The following ABHD2 variants were observed in gnomAD, a reference collection of about 807,000 sequenced individuals.
The protein encoded by ABHD2 is monoacylglycerol lipase ABHD2.
ABHD2 carries 20 observed loss-of-function variants against 48.1 expected under a neutral mutation model. The observed-to-expected ratio is 0.42, with a 90% CI of 0.29 to 0.60. The LOEUF (loss-of-function observed/expected upper bound fraction) is 0.60. Ranked by LOEUF, ABHD2 falls within the 20% of genes least tolerant of loss-of-function variation. The probability of loss-of-function intolerance (pLI) is 0.24; values close to 1 mark genes in which losing one functional copy is unlikely to be tolerated. For missense variants in ABHD2, 405 were observed against 550.9 expected (o/e 0.74, Z 2.65); for synonymous variants, 209 against 214.2 (o/e 0.98, Z 0.21).
At chr15:89,127,092 C>G (rs1263727012) in intron 3 of ABHD2, among the ~76,000 whole-genome samples, 1 of 152,132 alleles carries the variant, frequency 6.6e-6, no homozygotes, top group African/African-American at 2.4e-5. Context: ...TGCCCTCTAC[C>G]AAGTACCAAG....
intron 1 of ABHD2, among the ~76,000 whole-genome samples, chr15:89,110,771 C>T (rs1370740895): frequency 6.6e-6 from 1 of 152,132 alleles, no homozygotes; most frequent in African/African-American, 2.4e-5. Context: ...CATAGAATTG[C>T]CTTCCCTGAA....
intron 3 of ABHD2, among the ~76,000 whole-genome samples, chr15:89,139,371 A>G (rs1371973444): frequency 6.6e-6 from 1 of 152,064 alleles, no homozygotes; most frequent in East Asian, 1.9e-4. Context: ...TCCCCATAGT[A>G]TCATCCTATT....
intron 4 of ABHD2, among the ~76,000 whole-genome samples, chr15:89,153,025 G>T (rs945432365): frequency 3.3e-5 from 5 of 152,146 alleles, no homozygotes; most frequent in Non-Finnish European, 7.4e-5. Context: ...GGCTAGAACT[G>T]CTGAGTAGCT....
chr15:89,130,291 G>A (rs748202012), intron 3 of ABHD2, among the ~76,000 whole-genome samples: 4 of 152,122 alleles, frequency 2.6e-5, no homozygotes, highest in African/African-American at 4.8e-5. Flanking sequence ...TCTGCTGATT[G>A]TCATCCCACC....
intron 3 of ABHD2, among the ~76,000 whole-genome samples, chr15:89,145,946 T>C (rs2050484470): frequency 6.6e-6 from 1 of 152,196 alleles, no homozygotes; most frequent in Non-Finnish European, 1.5e-5. Flanking sequence ...TAGTCAGAGT[T>C]GGGTTTTGTT....
At chr15:89,165,893 T>C (rs1422725810) in intron 5 of ABHD2, among the ~76,000 whole-genome samples, 1 of 152,256 alleles carries the variant, frequency 6.6e-6, no homozygotes, top group African/African-American at 2.4e-5. Context: ...CTGCTTCTTC[T>C]GTCTCTCTTT....
chr15:89,054,417 A>T, the ABHD2 span, among the ~76,000 whole-genome samples: 4 of 152,156 alleles, frequency 2.6e-5, no homozygotes, highest in African/African-American at 9.7e-5. Flanking sequence ...GCAGTGGCTC[A>T]CGCCTGTAAT....
intron 5 of ABHD2, among the ~76,000 whole-genome samples, chr15:89,172,800 C>A (rs1051869558): frequency 6.6e-6 from 1 of 152,144 alleles, no homozygotes; most frequent in Non-Finnish European, 1.5e-5. Flanking sequence ...CCCAAGGTAA[C>A]GGTATTTTGC....
rs1172189758 is a variant in ABHD2, at chr15:89,166,377, G to A, written c.539-9435G>A. On this transcript the variant is annotated intron_variant, in intron 5 of 10. Transcript: ENST00000352732. The surrounding 1 kb of genome is among the most constrained non-coding windows in gnomAD (Gnocchi z 4.6). Reference sequence around the variant, plus strand: ...CCTTATTTCTAAACTCTTGACTCTCGGGCATTAGACATCAAGCTGTGAGGA... The same window carrying A: ...CCTTATTTCTAAACTCTTGACTCTCAGGCATTAGACATCAAGCTGTGAGGA... 6.6e-6 allele frequency among the ~76,000 whole-genome samples: 1 copy of A among 152,102 alleles called. No individual in the cohort carries two copies. The highest frequency in any genetic ancestry group is 1.9e-4 in the East Asian group (1 of 5,188).
chr15:89,050,204 T>C, the ABHD2 span, among the ~76,000 whole-genome samples: 42 of 152,236 alleles, frequency 2.8e-4, 1 homozygote, highest in South Asian at 8.5e-3. Flanking sequence ...GTCTCCCTAG[T>C]AGACCCCAGA....
intron 3 of ABHD2, among the ~76,000 whole-genome samples, chr15:89,149,948 G>A (rs2050564595): frequency 6.6e-6 from 1 of 152,194 alleles, no homozygotes; most frequent in Admixed American, 6.5e-5. Flanking sequence ...CTAGAGGCTT[G>A]GAGGCCGCTT....
At chr15:89,181,387 G>T (rs931654436) in intron 6 of ABHD2, among the ~76,000 whole-genome samples, 1 of 152,010 alleles carries the variant, frequency 6.6e-6, no homozygotes, top group Non-Finnish European at 1.5e-5. Flanking sequence ...AGCATTATGG[G>T]AAAGTACTTA....
At position 89,199,104 on chromosome 15, in the gene ABHD2, T is replaced by C. The variant is rs1385708790; in HGVS notation, c.*3681T>C. On this transcript the variant is annotated 3_prime_UTR_variant, in exon 11 of 11. Coordinates refer to ENST00000352732, the MANE Select transcript of ABHD2 (RefSeq NM_152924.5). This position sits in a 1 kb window ranked among gnomAD's most constrained non-coding sequence, Gnocchi z 4.1. ...TACAGTCTTCATTAAAGCTGAACTT[T>C]CTGGGTAGCTGAGCTTATATGCCCG... is the stretch of plus-strand genomic sequence containing the variant. 2 of 151,810 alleles carry C rather than the reference T, an allele frequency of 1.3e-5. No homozygotes were observed. Among genetic ancestry groups the C allele is most frequent in the Non-Finnish European group, 2.9e-5 (2 of 67,980 alleles). The allele number at this position is 151,810 out of a possible 1,614,324, so 9.4% of individuals were successfully genotyped here. A position where few individuals can be genotyped will look rare whatever the true frequency, so the allele number is the denominator to read the frequency against.
the ABHD2 span, among the ~76,000 whole-genome samples, chr15:89,073,849 C>T: frequency 6.6e-5 from 10 of 152,144 alleles, no homozygotes; most frequent in Admixed American, 2.0e-4. Context: ...GCTTATTAAA[C>T]CGCATTGCTG....
chr15:89,132,608 C>T (rs2050238052), intron 3 of ABHD2, among the ~76,000 whole-genome samples: 1 of 152,150 alleles, frequency 6.6e-6, no homozygotes. Context: ...TTTCTTATAG[C>T]TATTTCAAAT....
the ABHD2 span, among the ~76,000 whole-genome samples, chr15:89,070,376 GTA>G: frequency 2.6e-5 from 4 of 152,326 alleles, no homozygotes; most frequent in South Asian, 8.3e-4. Flanking sequence ...TTTTGAAATA[GTA>G]TCACAAGCTA....
intron 3 of ABHD2, among the ~76,000 whole-genome samples, chr15:89,139,107 C>T (rs1196363422): frequency 1.3e-5 from 2 of 151,690 alleles, no homozygotes; most frequent in South Asian, 2.1e-4. Context: ...GCTACTCAGG[C>T]GGCTGAGATG....
At chr15:89,045,777 C>T in the ABHD2 span, among the ~76,000 whole-genome samples, 1 of 152,192 alleles carries the variant, frequency 6.6e-6, no homozygotes, top group Admixed American at 6.5e-5. Context: ...AGTTGCTTAT[C>T]AGCTTAAGGA....
rs2051010928 is a variant in ABHD2, at chr15:89,176,219, C to G, written c.722+224C>G. On this transcript the variant is annotated intron_variant, in intron 6 of 10. Coordinates refer to ENST00000352732, the MANE Select transcript of ABHD2 (RefSeq NM_152924.5). The surrounding 1 kb of genome is among the most constrained non-coding windows in gnomAD (Gnocchi z 4.5). ...ATGCAGCTGCGTTTTGGGGTCAGATCTGTAATTGGAGAAGTAAAACCCCCT... is the reference window on the plus strand; with the variant it reads ...ATGCAGCTGCGTTTTGGGGTCAGATGTGTAATTGGAGAAGTAAAACCCCCT... Among the ~76,000 whole-genome samples the G allele has an allele frequency of 6.6e-6, 1 of 152,116 alleles. No homozygotes were observed. The highest frequency in any genetic ancestry group is 2.4e-5 in the African/African-American group (1 of 41,396).
Sources: gnomAD v4.1 joint callset for allele counts (sites outside exome capture counted in the v4.1 genomes callset) on GRCh38, gnomAD v4.1.1 for gene constraint, Gnocchi (gnomAD v3.1) non-coding constraint, MANE v1.5 for transcripts, NCBI Gene and HGNC (gene_info 2026-07-23, HGNC 2026-07-21) for gene names.